Variants in SPATA17 observed in about 807,000 individuals in gnomAD.
The protein encoded by SPATA17 is spermatogenesis associated 17, also known as spermatogenesis-associated protein 17.
Under a neutral mutation model 62.2 loss-of-function variants are expected in SPATA17, and 53 were observed. That is an observed-to-expected ratio of 0.85 (90% CI 0.68 to 1.07). The LOEUF (loss-of-function observed/expected upper bound fraction) is 1.07, where lower values mean the gene tolerates loss of function less well. Among genes scored for constraint, SPATA17 ranks in the 50% least tolerant of loss-of-function variants. SPATA17 has a pLI of 0.00. For missense variants in SPATA17, 466 were observed against 425.5 expected (o/e 1.10, Z -0.84); for synonymous variants, 146 against 146.8 (o/e 0.99, Z 0.04).
At chr1:217,757,322 C>T (rs1327484266) in intron 6 of SPATA17, among the ~76,000 whole-genome samples, 1 of 152,178 alleles carries the variant, frequency 6.6e-6, no homozygotes, top group Non-Finnish European at 1.5e-5. Flanking sequence ...TGGAAGTTTA[C>T]ATCTGAGTCA....
chr1:217,776,700 G>A (rs1275753518), intron 7 of SPATA17, among the ~76,000 whole-genome samples: 2 of 146,856 alleles, frequency 1.4e-5, no homozygotes, highest in Non-Finnish European at 3.0e-5. Context: ...AAAAAAAGAT[G>A]TCAACCATGA....
At chr1:217,850,509 C>T in intron 9 of SPATA17, 3 of 1,549,566 alleles carry the variant, frequency 1.9e-6, no homozygotes, top group African/African-American at 1.4e-5. Flanking sequence ...AAAGATGAGC[C>T]TCTGCTGGTC....
intron 3 of SPATA17, among the ~76,000 whole-genome samples, chr1:217,667,269 G>A (rs1378887830): frequency 2.6e-5 from 4 of 151,716 alleles, no homozygotes; most frequent in East Asian, 1.9e-4. Context: ...GGCTGGTCTC[G>A]AACTCCTGAC....
At chr1:217,804,647 G>C (rs1571816549) in intron 9 of SPATA17, among the ~76,000 whole-genome samples, 1 of 152,112 alleles carries the variant, frequency 6.6e-6, no homozygotes, top group Non-Finnish European at 1.5e-5. Context: ...ACATTTGATA[G>C]AGTTAATATC....
chr1:217,815,091 C>T (rs1407245776), intron 9 of SPATA17, among the ~76,000 whole-genome samples: 1 of 152,034 alleles, frequency 6.6e-6, no homozygotes, highest in African/African-American at 2.4e-5. Context: ...TGAATTGTGG[C>T]CTCCAAACCT....
At chr1:217,790,578 C>A (rs1045110781) in intron 8 of SPATA17, among the ~76,000 whole-genome samples, 4 of 151,996 alleles carry the variant, frequency 2.6e-5, no homozygotes, top group Non-Finnish European at 5.9e-5. Context: ...GTAGCTGGGA[C>A]TACAGGCGTC....
intron 1 of SPATA17, among the ~76,000 whole-genome samples, chr1:217,643,804 C>G (rs1208134300): frequency 6.6e-6 from 1 of 151,832 alleles, no homozygotes; most frequent in Non-Finnish European, 1.5e-5. Flanking sequence ...CCTCAGCTCA[C>G]TGCAACTTCT....
intron 5 of SPATA17, among the ~76,000 whole-genome samples, chr1:217,710,316 G>T (rs1671830676): frequency 6.6e-6 from 1 of 151,782 alleles, no homozygotes; most frequent in South Asian, 2.1e-4. Context: ...ATTATGTAAT[G>T]AAATGAGAAA....
rs1030646786 is a variant in SPATA17 at position 217,764,114 on chromosome 1, C to T, written c.520-10220C>T. Among the ~76,000 whole-genome samples, 7 of 152,148 alleles carry T rather than the reference C, an allele frequency of 4.6e-5. No individual in the cohort carries two copies. The South Asian group carries it at 1.5e-3, about 32-fold the overall frequency. On this transcript the variant is annotated intron_variant, in intron 6 of 10. Transcript: ENST00000366933. Reference sequence around the variant, plus strand: ...ATTAGCACCCAAAGTCCATAGTTTACATTAGGTTTCATTCCTGATGCTGTA... The same window carrying T: ...ATTAGCACCCAAAGTCCATAGTTTATATTAGGTTTCATTCCTGATGCTGTA...
At chr1:217,730,481 A>G (rs970246697) in intron 5 of SPATA17, among the ~76,000 whole-genome samples, 4 of 152,102 alleles carry the variant, frequency 2.6e-5, no homozygotes, top group Admixed American at 2.6e-4. Flanking sequence ...TTGGCCTCCC[A>G]AAGTGCTGGG....
chr1:217,632,661 A>G (rs1294109838), intron 1 of SPATA17, among the ~76,000 whole-genome samples: 2 of 152,266 alleles, frequency 1.3e-5, no homozygotes, highest in African/African-American at 2.4e-5. Context: ...TTTGTCTCCA[A>G]CGTCTATGAT....
chr1:217,658,993 A>G (rs905422015), intron 3 of SPATA17, among the ~76,000 whole-genome samples: 16 of 152,156 alleles, frequency 1.1e-4, no homozygotes, highest in African/African-American at 3.1e-4. Flanking sequence ...ATCTCTGGAA[A>G]GATCACACAT....
At chr1:217,735,635 A>T (rs1385110913) in intron 5 of SPATA17, among the ~76,000 whole-genome samples, 13 of 152,186 alleles carry the variant, frequency 8.5e-5, no homozygotes, top group Admixed American at 8.5e-4. Context: ...GAAATAAAGG[A>T]TTCATAATCA....
chr1:217,689,221 CTTTT>C (rs200885875), intron 5 of SPATA17, among the ~76,000 whole-genome samples: 1 of 102,592 alleles, frequency 9.7e-6, no homozygotes, highest in Non-Finnish European at 1.8e-5. Flanking sequence ...TTTATTATGT[CTTTT>C]TTTTTTTTTT....
At chr1:217,718,419 G>A (rs529128873) in intron 5 of SPATA17, among the ~76,000 whole-genome samples, 9 of 152,198 alleles carry the variant, frequency 5.9e-5, no homozygotes, top group Non-Finnish European at 1.2e-4. Flanking sequence ...GAGTAATAAT[G>A]GAAGTAAACT....
chr1:217,631,348 A>T lies in SPATA17; in HGVS notation c.-31A>T. 1.2e-6 allele frequency: 2 copies of T among 1,613,646 alleles called. No homozygotes were observed. The highest frequency in any genetic ancestry group is 1.7e-6 in the Non-Finnish European group (2 of 1,179,564). On this transcript the variant is annotated 5_prime_UTR_variant, in exon 1 of 11. Coordinates refer to ENST00000366933, the MANE Select transcript of SPATA17 (RefSeq NM_138796.4). ...CCAGTTACCATGGAGACCGGTAGTA[A>T]CACCAGTTGTAAACCCAAGGCCAAG...
intron 3 of SPATA17, among the ~76,000 whole-genome samples, chr1:217,655,083 C>T (rs147232256): frequency 2.0e-4 from 30 of 152,274 alleles, no homozygotes; most frequent in South Asian, 4.1e-4. Context: ...TGTATAGACA[C>T]TATTCATATT....
chr1:217,658,224 C>G (rs1008608131), intron 3 of SPATA17, among the ~76,000 whole-genome samples: 1 of 152,104 alleles, frequency 6.6e-6, no homozygotes, highest in South Asian at 2.1e-4. Context: ...GGGGGAGGAT[C>G]CCTCATGAAA....
At chr1:217,721,353 T>C (rs1558579444) in intron 5 of SPATA17, among the ~76,000 whole-genome samples, 2 of 152,162 alleles carry the variant, frequency 1.3e-5, no homozygotes, top group Admixed American at 6.5e-5. Flanking sequence ...CCCTGACTTA[T>C]ATGTAGGTAA....
Sources: gnomAD v4.1 joint callset for allele counts (sites outside exome capture counted in the v4.1 genomes callset) on GRCh38, gnomAD v4.1.1 for gene constraint, MANE v1.5 for transcripts, NCBI Gene and HGNC (gene_info 2026-07-23, HGNC 2026-07-21) for gene names.